SMAP1: variants seen among roughly 807,000 people sequenced by gnomAD.
The protein encoded by SMAP1 is small ArfGAP 1.
SMAP1 carries 24 observed loss-of-function variants against 58.5 expected under a neutral mutation model. That is an observed-to-expected ratio of 0.41 (90% CI 0.30 to 0.58). The LOEUF (loss-of-function observed/expected upper bound fraction) is 0.58, where lower values mean the gene tolerates loss of function less well. Ranked by LOEUF, SMAP1 falls within the 20% of genes least tolerant of loss-of-function variation. SMAP1 has a pLI of 0.29. For missense variants in SMAP1, 563 were observed against 566.3 expected (o/e 0.99, Z 0.06); for synonymous variants, 216 against 196.6 (o/e 1.10, Z -0.82).
At chr6:70,775,786 C>T (rs968769986) in intron 4 of SMAP1, among the ~76,000 whole-genome samples, 11 of 152,158 alleles carry the variant, frequency 7.2e-5, no homozygotes, top group Admixed American at 7.2e-4. Context: ...TTACAAAAGT[C>T]ACAATAAACC....
chr6:70,750,964 G>A (rs1322448456), intron 2 of SMAP1, among the ~76,000 whole-genome samples: 1 of 152,190 alleles, frequency 6.6e-6, no homozygotes, highest in Admixed American at 6.5e-5. Context: ...AATTGGCAGG[G>A]TGCGGTGGCT....
At chr6:70,783,891 C>A (rs1767881313) in intron 4 of SMAP1, among the ~76,000 whole-genome samples, 2 of 152,158 alleles carry the variant, frequency 1.3e-5, no homozygotes, top group South Asian at 2.1e-4. Context: ...GGATATTATC[C>A]AGGAGAACTT....
chr6:70,819,717 AAT>A (rs1173875712), intron 6 of SMAP1, among the ~76,000 whole-genome samples: 2 of 152,224 alleles, frequency 1.3e-5, no homozygotes, highest in African/African-American at 4.8e-5. Flanking sequence ...ATTATAATAG[AAT>A]ATGTTGAAGT....
chr6:70,850,935 GAAAA>G (rs1191382536), intron 7 of SMAP1, among the ~76,000 whole-genome samples: 4 of 151,870 alleles, frequency 2.6e-5, no homozygotes, highest in African/African-American at 9.7e-5. Flanking sequence ...GGTTAGAAAT[GAAAA>G]AAAGTATTTT....
intron 2 of SMAP1, among the ~76,000 whole-genome samples, chr6:70,745,748 T>G (rs560518536): frequency 2.6e-5 from 4 of 152,354 alleles, no homozygotes; most frequent in Non-Finnish European, 5.9e-5. Context: ...GCACTGAATC[T>G]ATAAATTACC....
intron 1 of SMAP1, among the ~76,000 whole-genome samples, chr6:70,726,545 C>A (rs1047367547): frequency 6.6e-6 from 1 of 152,142 alleles, no homozygotes; most frequent in Non-Finnish European, 1.5e-5. Flanking sequence ...TGTTCCTCAT[C>A]GTATTTTCTT....
chr6:70,704,989 G>T (rs1014794604), intron 1 of SMAP1, among the ~76,000 whole-genome samples: 27 of 152,136 alleles, frequency 1.8e-4, no homozygotes, highest in Non-Finnish European at 2.6e-4. Context: ...GCTTTCTTGG[G>T]ATTTGTAGTT....
chr6:70,710,410 G>T (rs1427239167), intron 1 of SMAP1, among the ~76,000 whole-genome samples: 1 of 143,040 alleles, frequency 7.0e-6, no homozygotes, highest in Non-Finnish European at 1.5e-5. Flanking sequence ...AGAATCGCTT[G>T]AACCCGAGAT....
intron 1 of SMAP1, among the ~76,000 whole-genome samples, chr6:70,681,274 TA>T (rs957307807): frequency 2.0e-5 from 3 of 149,790 alleles, no homozygotes; most frequent in South Asian, 2.1e-4. Context: ...AAAATAAAAT[TA>T]AAAAAAAATA....
chr6:70,722,568 C>T (rs530727246), intron 1 of SMAP1, among the ~76,000 whole-genome samples: 26 of 152,326 alleles, frequency 1.7e-4, no homozygotes, highest in African/African-American at 6.3e-4. Flanking sequence ...GAAATATAGC[C>T]TGTGGAGTGG....
chr6:70,766,539 G>T (rs1766994763), intron 3 of SMAP1, among the ~76,000 whole-genome samples: 1 of 152,148 alleles, frequency 6.6e-6, no homozygotes, highest in African/African-American at 2.4e-5. Flanking sequence ...CTGCATAAAT[G>T]TCTTCTTTTG....
chr6:70,766,801 T>C (rs1023074687), intron 3 of SMAP1, among the ~76,000 whole-genome samples: 7 of 152,240 alleles, frequency 4.6e-5, no homozygotes, highest in African/African-American at 1.4e-4. Flanking sequence ...TGTTGGTGTT[T>C]TAGACATGAA....
intron 2 of SMAP1, among the ~76,000 whole-genome samples, chr6:70,741,800 A>G (rs1765824134): frequency 6.6e-6 from 1 of 152,180 alleles, no homozygotes; most frequent in Non-Finnish European, 1.5e-5. Flanking sequence ...ACATCCAGGT[A>G]TTTCCATATA....
intron 1 of SMAP1, among the ~76,000 whole-genome samples, chr6:70,669,006 CT>C (rs1766154654): frequency 1.3e-5 from 2 of 152,120 alleles, no homozygotes; most frequent in African/African-American, 4.8e-5. Flanking sequence ...TGGAGGGCTT[CT>C]GCCTCAGCCT....
At position 70,743,991 on chromosome 6, in the gene SMAP1, T is replaced by G. The variant is rs546867094; in HGVS notation, c.253-10989T>G. ...ATTATGCCCTATATTTTCTTTTTCC[T>G]CTTGATTTGTTAAAAATTTTTAAGG... On this transcript the variant is annotated intron_variant, in intron 2 of 10. Transcript: ENST00000370455. Among the ~76,000 whole-genome samples the G allele has an allele frequency of 3.0e-3, 456 of 152,324 alleles. 3 individuals are homozygous for G. Among genetic ancestry groups the G allele is most frequent in the African/African-American group, 0.01 (425 of 41,566 alleles).
chr6:70,752,020 T>A (rs995931635), intron 2 of SMAP1, among the ~76,000 whole-genome samples: 9 of 152,156 alleles, frequency 5.9e-5, no homozygotes, highest in Admixed American at 5.2e-4. Context: ...AGGAATAATG[T>A]TTTAACAACA....
chr6:70,792,864 A>G (rs950859774), intron 5 of SMAP1, among the ~76,000 whole-genome samples: 1 of 151,842 alleles, frequency 6.6e-6, no homozygotes, highest in Non-Finnish European at 1.5e-5. Flanking sequence ...ACAGAATCAG[A>G]TTTTCATGTT....
intron 4 of SMAP1, among the ~76,000 whole-genome samples, chr6:70,785,668 A>G (rs1411256569): frequency 6.6e-6 from 1 of 152,216 alleles, no homozygotes; most frequent in East Asian, 1.9e-4. Context: ...AGAATACGAC[A>G]AACACCTCTA....
chr6:70,699,364 G>A (rs1282730891), intron 1 of SMAP1, among the ~76,000 whole-genome samples: 2 of 152,164 alleles, frequency 1.3e-5, no homozygotes, highest in African/African-American at 2.4e-5. Flanking sequence ...AACCAGCATA[G>A]CACTGAGTCT....
Sources: allele counts gnomAD v4.1 joint callset (sites outside exome capture counted in the v4.1 genomes callset), GRCh38; gene constraint gnomAD v4.1.1; transcripts MANE v1.5; gene names NCBI Gene and HGNC (gene_info 2026-07-23, HGNC 2026-07-21).